Variants in PCGF5 observed in about 807,000 individuals in gnomAD.
PCGF5 encodes the protein polycomb group ring finger 5, also known as polycomb group RING finger protein 5.
In PCGF5, 9 loss-of-function variants were observed where a neutral mutation model predicts 44.3. That is an observed-to-expected ratio of 0.20 (90% CI 0.12 to 0.35). PCGF5 has a LOEUF of 0.35. PCGF5 is among the 10% of genes least tolerant of loss of function. The pLI is 1.00. For missense variants in PCGF5, 146 were observed against 305.3 expected (o/e 0.48, Z 3.89); for synonymous variants, 95 against 102.5 (o/e 0.93, Z 0.44).
At chr10:91,193,348 C>T (rs1427143301) in intron 1 of PCGF5, among the ~76,000 whole-genome samples, 4 of 151,436 alleles carry the variant, frequency 2.6e-5, no homozygotes, top group African/African-American at 9.7e-5. Context: ...GACTTCTAAC[C>T]TACACAACTG....
chr10:91,193,927 T>A (rs1410255311), intron 1 of PCGF5, among the ~76,000 whole-genome samples: 1 of 152,170 alleles, frequency 6.6e-6, no homozygotes, highest in Non-Finnish European at 1.5e-5. Flanking sequence ...AGTCCATTTC[T>A]TTGTGACTTA....
chr10:91,274,081 T>A (rs1846249588), intron 9 of PCGF5, among the ~76,000 whole-genome samples: 1 of 151,856 alleles, frequency 6.6e-6, no homozygotes, highest in South Asian at 2.1e-4. Context: ...TCCCCTCTCT[T>A]TCTCTTCTCA....
chr10:91,271,708 C>A lies in PCGF5; in HGVS notation c.723+11C>A, dbSNP rs1216724389. ...GGCCCTTTGTATCAGGTAAGAGGCA[C>A]TCACGACTGTACATATGACCATCAT... On this transcript the variant is annotated intron_variant, in intron 9 of 9. Coordinates refer to ENST00000336126, the MANE Select transcript of PCGF5 (RefSeq NM_032373.5). The A allele has an allele frequency of 6.2e-7, 1 of 1,609,376 alleles. No individual in the cohort carries two copies. The highest frequency in any genetic ancestry group is 1.7e-5 in the Admixed American group (1 of 60,010).
intron 6 of PCGF5, among the ~76,000 whole-genome samples, chr10:91,251,928 G>A (rs1162995336): frequency 6.6e-6 from 1 of 151,824 alleles, no homozygotes; most frequent in African/African-American, 2.4e-5. Context: ...AAATGCCTCT[G>A]AACTTTTAAA....
intron 1 of PCGF5, among the ~76,000 whole-genome samples, chr10:91,174,582 T>G (rs1843668597): frequency 1.3e-5 from 2 of 152,226 alleles, no homozygotes; most frequent in African/African-American, 4.8e-5. Context: ...AAGACTAAGT[T>G]AATGAATTAA....
chr10:91,177,565 T>G (rs1843732338), intron 1 of PCGF5, among the ~76,000 whole-genome samples: 1 of 152,196 alleles, frequency 6.6e-6, no homozygotes, highest in African/African-American at 2.4e-5. Context: ...CAGTTCGAGC[T>G]TCCTGGCCGC....
chr10:91,240,829 C>A (rs1013549778), intron 3 of PCGF5, among the ~76,000 whole-genome samples: 1 of 151,684 alleles, frequency 6.6e-6, no homozygotes, highest in Non-Finnish European at 1.5e-5. Context: ...GTAAGAGTGA[C>A]TTTAGGTTAC....
At chr10:91,169,073 C>T (rs1391486002) in intron 1 of PCGF5, among the ~76,000 whole-genome samples, 1 of 151,442 alleles carries the variant, frequency 6.6e-6, no homozygotes, top group African/African-American at 2.4e-5. Flanking sequence ...TCTCCTCAAG[C>T]AGGAGAGATA....
At chr10:91,268,417 C>CTT (rs1846095869) in intron 8 of PCGF5, among the ~76,000 whole-genome samples, 1 of 152,068 alleles carries the variant, frequency 6.6e-6, no homozygotes, top group Non-Finnish European at 1.5e-5. Context: ...TCCAAATGAG[C>CTT]TTTAGAATAG....
At chr10:91,272,471 A>C (rs1194644076) in intron 9 of PCGF5, among the ~76,000 whole-genome samples, 1 of 146,474 alleles carries the variant, frequency 6.8e-6, no homozygotes, top group Non-Finnish European at 1.5e-5. Context: ...ATAGCAAGAC[A>C]AAAAAAAATT....
chr10:91,184,413 G>A (rs1336149712), intron 1 of PCGF5, among the ~76,000 whole-genome samples: 1 of 152,104 alleles, frequency 6.6e-6, no homozygotes, highest in Non-Finnish European at 1.5e-5. Flanking sequence ...TGTCAGGTTG[G>A]TTACAGTACT....
rs1564655168 is a variant in PCGF5, at chr10:91,263,716, C to T, written c.574-715C>T. ...AGGGGTTGTTCGGTTCTTGCAACTT[C>T]GAGCAAAACTTAACGCTGATAAGTA... On this transcript the variant is annotated intron_variant, in intron 7 of 9. Coordinates refer to ENST00000336126, the MANE Select transcript of PCGF5 (RefSeq NM_032373.5). 3.9e-5 allele frequency among the ~76,000 whole-genome samples: 6 copies of T among 152,278 alleles called. No individual in the cohort carries two copies. In the South Asian group the frequency reaches 6.2e-4, roughly 16 times the overall value.
chr10:91,224,470 A>C (rs970307078), intron 2 of PCGF5, among the ~76,000 whole-genome samples: 9 of 151,664 alleles, frequency 5.9e-5, no homozygotes, highest in Non-Finnish European at 1.2e-4. Context: ...TCTGCTCAAG[A>C]AGTATAATTC....
rs567961629 is a variant in PCGF5 at position 91,257,978 on chromosome 10, G to A, written c.475-3348G>A. On this transcript the variant is annotated intron_variant, in intron 6 of 9. Transcript: ENST00000336126. The stretch of plus-strand genomic sequence containing the variant: ...ATACTATTCAGTCATAAACTGCAAT[G>A]AAGTACTGATACATGCTACAAAATA... 7.0e-4 allele frequency among the ~76,000 whole-genome samples: 106 copies of A among 152,232 alleles called. 2 individuals are homozygous for A. The highest frequency in any genetic ancestry group is 6.8e-3 in the Admixed American group (104 of 15,258).
chr10:91,185,351 A>G (rs1456796822), intron 1 of PCGF5, among the ~76,000 whole-genome samples: 1 of 151,858 alleles, frequency 6.6e-6, no homozygotes, highest in Non-Finnish European at 1.5e-5. Flanking sequence ...GTGGGTTTGG[A>G]CTCTCCAAAG....
intron 2 of PCGF5, among the ~76,000 whole-genome samples, chr10:91,225,702 A>G (rs1054332947): frequency 6.6e-6 from 1 of 152,060 alleles, no homozygotes; most frequent in African/African-American, 2.4e-5. Context: ...AAATATTTAT[A>G]TACAAATAAA....
rs550790781 is a variant in PCGF5, at chr10:91,185,989, C to T, written c.-184+22908C>T. 2.0e-4 allele frequency among the ~76,000 whole-genome samples: 30 copies of T among 152,256 alleles called. No individual in the cohort carries two copies. The East Asian group carries it at 4.4e-3, about 22-fold the overall frequency. The stretch of plus-strand genomic sequence containing the variant: ...CTTTCATTCCTGTCTTTGAGAGCCA[C>T]GCACCCTAGCTGCTTCTAGTCAGCC... On this transcript the variant is annotated intron_variant, in intron 1 of 9. Coordinates refer to the PCGF5 transcript ENST00000614189.
chr10:91,173,595 T>TTTTTTTTTTC (rs71025342), intron 1 of PCGF5, among the ~76,000 whole-genome samples: 1,428 of 140,608 alleles, frequency 0.01, 19 homozygotes, highest in Non-Finnish European at 0.017. Flanking sequence ...TTTTTTTTTT[T>TTTTTTTTTTC]CCCACAGAAG....
At chr10:91,163,483 T>G (rs1843432053) in intron 1 of PCGF5, among the ~76,000 whole-genome samples, 1 of 151,882 alleles carries the variant, frequency 6.6e-6, no homozygotes, top group African/African-American at 2.4e-5. Context: ...TTTGTGACGC[T>G]CGCGGCTTCC....
Sources: gnomAD v4.1 joint callset for allele counts (sites outside exome capture counted in the v4.1 genomes callset) on GRCh38, gnomAD v4.1.1 for gene constraint, MANE v1.5 for transcripts, NCBI Gene and HGNC (gene_info 2026-07-23, HGNC 2026-07-21) for gene names.